The following WWOX variants were observed in gnomAD, a reference collection of about 807,000 sequenced individuals.
WWOX encodes WW domain-containing oxidoreductase.
Under a neutral mutation model 46.2 loss-of-function variants are expected in WWOX, and 69 were observed. The observed-to-expected ratio is 1.49, with a 90% CI of 1.23 to 1.82. The LOEUF is 1.82. Among genes scored for constraint, WWOX ranks in the 40% most tolerant of loss-of-function variants. The pLI, the probability that WWOX is intolerant of heterozygous loss-of-function variation, is 0.00. For synonymous variants in WWOX, 359 were observed against 202.6 expected (o/e 1.77, Z -6.56); for missense variants, 919 against 542.6 (o/e 1.69, Z -6.89).
intron 8 of WWOX, among the ~76,000 whole-genome samples, chr16:79,174,554 A>G (rs1213246758): frequency 6.6e-6 from 1 of 152,226 alleles, no homozygotes; most frequent in South Asian, 2.1e-4. Flanking sequence ...GGCCTGAGGC[A>G]GGAAAATCAC....
chr16:78,240,954 G>C (rs572501030), intron 5 of WWOX, among the ~76,000 whole-genome samples: 28 of 152,248 alleles, frequency 1.8e-4, no homozygotes, highest in African/African-American at 5.5e-4. Context: ...GCTTGTCTCA[G>C]GATGACAACT....
Position 78,391,548 on chromosome 16 carries a change from C to T in WWOX, c.605+4600C>T, listed in dbSNP as rs116833070. Among the ~76,000 whole-genome samples, 1,063 of 152,144 alleles carry T rather than the reference C, an allele frequency of 7.0e-3. 13 individuals carry two copies. The highest frequency in any genetic ancestry group is 0.024 in the African/African-American group (1,002 of 41,476). On this transcript the variant is annotated intron_variant, in intron 6 of 8. Transcript: ENST00000566780. ...GATTTCTGTATTGGTTATGTATTGC[C>T]GAGTAAGAAATGACTCTGGCCAGGC...
chr16:78,147,804 CT>C (rs71137876), intron 4 of WWOX, among the ~76,000 whole-genome samples: 55,330 of 141,758 alleles, frequency 0.39, 10,401 homozygotes, highest in African/African-American at 0.44. Context: ...GAATGAAGGT[CT>C]TTTTTTTTTT....
At chr16:78,862,732 T>C (rs186348465) in intron 8 of WWOX, among the ~76,000 whole-genome samples, 76 of 152,212 alleles carry the variant, frequency 5.0e-4, no homozygotes, top group African/African-American at 1.7e-3. Flanking sequence ...AGAGAGGCAA[T>C]TCTTTCTCAC....
rs538130292 is a variant in WWOX, at chr16:79,042,225, A to G, written c.1057-169383A>G. Among the ~76,000 whole-genome samples the G allele has an allele frequency of 6.2e-4, 95 of 152,234 alleles. 1 individual carries two copies. The highest frequency in any genetic ancestry group is 1.1e-3 in the Non-Finnish European group (76 of 68,010). On this transcript the variant is annotated intron_variant, in intron 8 of 8. Transcript: ENST00000566780. Reference sequence around the variant, plus strand: ...TTGGAAACTCTGTCCATGAACTCCAAAGCCCACGCTCTCTTACACCCTCCC... The same window carrying G: ...TTGGAAACTCTGTCCATGAACTCCAGAGCCCACGCTCTCTTACACCCTCCC...
chr16:78,398,818 G>A (rs1231941608), intron 6 of WWOX, among the ~76,000 whole-genome samples: 5 of 152,186 alleles, frequency 3.3e-5, no homozygotes, highest in Non-Finnish European at 7.3e-5. Context: ...TTCAATAACT[G>A]AATATTTATA....
intron 8 of WWOX, among the ~76,000 whole-genome samples, chr16:78,776,743 G>C (rs1444036908): frequency 6.6e-6 from 1 of 152,182 alleles, no homozygotes; most frequent in African/African-American, 2.4e-5. Flanking sequence ...TGGTGGAAAG[G>C]AAGCTAGTGC....
intron 8 of WWOX, among the ~76,000 whole-genome samples, chr16:79,183,882 C>G (rs1055547584): frequency 6.6e-6 from 1 of 152,202 alleles, no homozygotes; most frequent in African/African-American, 2.4e-5. Flanking sequence ...GTCCTTTTCT[C>G]ACTGCTCTGG....
At chr16:78,368,234 A>T (rs1282139814) in intron 5 of WWOX, among the ~76,000 whole-genome samples, 1 of 152,236 alleles carries the variant, frequency 6.6e-6, no homozygotes, top group Admixed American at 6.5e-5. Context: ...GCCTTCAATT[A>T]ACATGAGTGG....
At chr16:78,805,872 T>A (rs1191188960) in intron 8 of WWOX, among the ~76,000 whole-genome samples, 1 of 152,238 alleles carries the variant, frequency 6.6e-6, no homozygotes, top group Non-Finnish European at 1.5e-5. Flanking sequence ...AGAGTTTTTT[T>A]CTGCCTTGTT....
At chr16:79,023,462 A>G (rs1270918773) in intron 8 of WWOX, among the ~76,000 whole-genome samples, 1 of 152,194 alleles carries the variant, frequency 6.6e-6, no homozygotes, top group Non-Finnish European at 1.5e-5. Flanking sequence ...GATGTTCATC[A>G]CAAAGTGTTC....
intron 8 of WWOX, among the ~76,000 whole-genome samples, chr16:78,687,785 A>G (rs2047896724): frequency 6.6e-6 from 1 of 152,200 alleles, no homozygotes; most frequent in Non-Finnish European, 1.5e-5. Context: ...TATTAACCAG[A>G]TTTTGGAACC....
chr16:78,723,590 T>C (rs1445040826), intron 8 of WWOX, among the ~76,000 whole-genome samples: 20 of 73,746 alleles, frequency 2.7e-4, no homozygotes, highest in African/African-American at 9.0e-4. Flanking sequence ...TTCTTTTCTT[T>C]TCTTTTCTTT....
At chr16:78,302,940 T>C (rs1184977970) in intron 5 of WWOX, among the ~76,000 whole-genome samples, 3 of 152,200 alleles carry the variant, frequency 2.0e-5, no homozygotes, top group Non-Finnish European at 4.4e-5. Flanking sequence ...GTAATGGTCT[T>C]GTTGAAGACA....
intron 8 of WWOX, among the ~76,000 whole-genome samples, chr16:78,850,884 G>A (rs2052425999): frequency 6.6e-6 from 1 of 152,126 alleles, no homozygotes; most frequent in African/African-American, 2.4e-5. Flanking sequence ...GGCTCAACAT[G>A]GAAGATTTCT....
chr16:78,828,411 C>G (rs988141740), intron 8 of WWOX, among the ~76,000 whole-genome samples: 5 of 152,102 alleles, frequency 3.3e-5, no homozygotes, highest in African/African-American at 9.7e-5. Context: ...TGACCGTGTA[C>G]AGGATTCTAC....
chr16:78,889,135 C>T (rs1312246601), intron 8 of WWOX, among the ~76,000 whole-genome samples: 2 of 152,136 alleles, frequency 1.3e-5, no homozygotes, highest in Non-Finnish European at 2.9e-5. Flanking sequence ...TGTGTCCCAC[C>T]CTTCAGGAAT....
rs74034954 is a variant in WWOX at position 79,103,110 on chromosome 16, A to G, written c.1057-108498A>G. On this transcript the variant is annotated intron_variant, in intron 8 of 8. Coordinates refer to ENST00000566780, the MANE Select transcript of WWOX (RefSeq NM_016373.4). Reference sequence around the variant, plus strand: ...AGGCAAATATTCACCTAAGTGGTTAAGTCTCTGGGCATATTTGTTGATCTC... The same window carrying G: ...AGGCAAATATTCACCTAAGTGGTTAGGTCTCTGGGCATATTTGTTGATCTC... Among the ~76,000 whole-genome samples, 629 of 152,256 alleles carry G rather than the reference A, an allele frequency of 4.1e-3. 5 individuals are homozygous for G. The highest frequency in any genetic ancestry group is 0.014 in the African/African-American group (597 of 41,544).
intron 8 of WWOX, among the ~76,000 whole-genome samples, chr16:78,538,378 A>G (rs962706924): frequency 1.3e-4 from 20 of 152,096 alleles, no homozygotes; most frequent in African/African-American, 4.6e-4. Context: ...TAATATTTTA[A>G]TTTCCCCATG....
Sources: allele counts gnomAD v4.1 joint callset (sites outside exome capture counted in the v4.1 genomes callset), GRCh38; gene constraint gnomAD v4.1.1; transcripts MANE v1.5; gene names NCBI Gene and HGNC (gene_info 2026-07-23, HGNC 2026-07-21).